FAM78A: variants seen among roughly 807,000 people sequenced by gnomAD.
FAM78A encodes the protein protein FAM78A.
Under a neutral mutation model 22.6 loss-of-function variants are expected in FAM78A, and 12 were observed. The observed-to-expected ratio is 0.53, with a 90% confidence interval of 0.34 to 0.86. FAM78A has a LOEUF of 0.86. Among genes scored for constraint, FAM78A ranks in the 40% least tolerant of loss-of-function variants. The probability of loss-of-function intolerance (pLI) is 0.02; values close to 1 mark genes in which losing one functional copy is unlikely to be tolerated. For missense variants in FAM78A, 322 were observed against 396.1 expected (o/e 0.81, Z 1.59); for synonymous variants, 151 against 155.8 (o/e 0.97, Z 0.23).
At position 131,272,390 on chromosome 9, in the gene FAM78A, G is replaced by A. The variant is rs1835432162; in HGVS notation, c.323+3467C>T. On this transcript the variant is annotated intron_variant, in intron 1 of 1. Transcript: ENST00000372271. The surrounding 1 kb of genome is among the most constrained non-coding windows in gnomAD (Gnocchi z 4.1). ...CATTATTGACTGTCACAGCTTGCGGGGATGTGCTCCTGGCATGGAGTGGGT... is the reference window on the plus strand; with the variant it reads ...CATTATTGACTGTCACAGCTTGCGGAGATGTGCTCCTGGCATGGAGTGGGT... Among the ~76,000 whole-genome samples, 1 of 152,204 alleles carries A rather than the reference G, an allele frequency of 6.6e-6. No individual in the cohort carries two copies. The highest frequency in any genetic ancestry group is 2.1e-4 in the South Asian group (1 of 4,830).
chr9:131,274,321 CTT>C lies in FAM78A; in HGVS notation c.323+1534_323+1535del, dbSNP rs1351535433. On this transcript the variant is annotated intron_variant, in intron 1 of 1. Transcript: ENST00000372271. The surrounding 1 kb of genome is among the most constrained non-coding windows in gnomAD (Gnocchi z 4.2). ...GCTTAGCCCAAAACCCCGAGGAAAA[CTT>C]TTGTTTCTACAACTGTCCCGATGCC... Among the ~76,000 whole-genome samples the C allele has an allele frequency of 6.6e-6, 1 of 152,212 alleles. No homozygotes were observed. The highest frequency in any genetic ancestry group is 6.5e-5 in the Admixed American group (1 of 15,290).
chr9:131,263,050 G>A (rs1174808059), intron 1 of FAM78A, among the ~76,000 whole-genome samples: 1 of 152,060 alleles, frequency 6.6e-6, no homozygotes, highest in Non-Finnish European at 1.5e-5. Flanking sequence ...GACCAGCCTG[G>A]GCAATACGGT....
upstream of FAM78A, among the ~76,000 whole-genome samples, chr9:131,278,802 G>C (rs770486282): frequency 4.6e-5 from 7 of 152,182 alleles, no homozygotes; most frequent in Non-Finnish European, 7.3e-5. Context: ...CTACATTAAA[G>C]CCACGCTCTT....
intron 1 of FAM78A, among the ~76,000 whole-genome samples, chr9:131,262,056 G>A (rs912216617): frequency 2.0e-5 from 3 of 151,830 alleles, no homozygotes; most frequent in South Asian, 4.1e-4. Flanking sequence ...GTGAAACCTC[G>A]TCTCTACTAA....
rs1471916587 is a variant in FAM78A at position 131,261,469 on chromosome 9, C to T, written c.324-119G>A. On this transcript the variant is annotated intron_variant, in intron 1 of 1. Coordinates refer to ENST00000372271, the MANE Select transcript of FAM78A (RefSeq NM_033387.4). The surrounding 1 kb of genome is among the most constrained non-coding windows in gnomAD (Gnocchi z 7.1). ...GATGGAACGGACCCAGCAGACCACC[C>T]GGTCCCCTTTGACGTTCTGGGGGCA... 2.6e-5 allele frequency: 25 copies of T among 960,056 alleles called. No individual in the cohort carries two copies. The highest frequency in any genetic ancestry group is 3.1e-4 in the Middle Eastern group (1 of 3,206). The allele number at this position is 960,056 out of a possible 1,614,324, so 59.5% of individuals were successfully genotyped here. A position where few individuals can be genotyped will look rare whatever the true frequency, so the allele number is the denominator to read the frequency against.
Position 131,260,986 on chromosome 9 carries a change from G to C in FAM78A, c.688C>G (p.Arg230Gly). The change falls in exon 2 of 2, where the codon CGG (arginine) becomes GGG (glycine). Residue 230 changes from arginine to glycine, a missense_variant. Transcript: ENST00000372271. The surrounding 1 kb of genome is among the most constrained non-coding windows in gnomAD (Gnocchi z 5.4). ...NPNRPLGQRARLREPIAQDQP... is the reference protein window; with the variant it reads ...NPNRPLGQRAGLREPIAQDQP... ...TCCTGGGCGATGGGCTCCCGCAGCC[G>C]GGCGCGCTGGCCCAGGGGCCGGTTG... is the stretch of plus-strand genomic sequence containing the variant. The C allele has an allele frequency of 6.2e-7, 1 of 1,613,330 alleles. No individual in the cohort carries two copies. Among genetic ancestry groups the C allele is most frequent in the East Asian group, 2.2e-5 (1 of 44,866 alleles).
Position 131,275,928 on chromosome 9 carries a change from C to T in FAM78A, c.252G>A (p.Glu84=), listed in dbSNP as rs1390621449. ...QVVMPPIPKK[E]TWVVGWIQAC... Reference sequence around the variant, plus strand: ...CCTGGATCCAGCCAACTACCCAAGTCTCCTTCTTGGGGATGGGCGGCATGA... The same window carrying T: ...CCTGGATCCAGCCAACTACCCAAGTTTCCTTCTTGGGGATGGGCGGCATGA... The change falls in exon 1 of 2, where the codon GAG becomes GAA. Residue 84 remains glutamate (E), a synonymous_variant. Transcript: ENST00000372271. The surrounding 1 kb of genome is among the most constrained non-coding windows in gnomAD (Gnocchi z 4.6). The T allele has an allele frequency of 1.2e-6, 2 of 1,613,258 alleles. No individual in the cohort carries two copies. The highest frequency in any genetic ancestry group is 1.7e-6 in the Non-Finnish European group (2 of 1,179,932).
At chr9:131,263,110 G>C (rs989436584) in intron 1 of FAM78A, among the ~76,000 whole-genome samples, 1 of 151,886 alleles carries the variant, frequency 6.6e-6, no homozygotes, top group Non-Finnish European at 1.5e-5. Context: ...ATGGTGGTGG[G>C]CACCTGTAAT....
intron 1 of FAM78A, chr9:131,270,457 C>T: frequency 1.4e-6 from 1 of 717,288 alleles, no homozygotes; most frequent in Non-Finnish European, 2.6e-6. Context: ...AGTGACGCCT[C>T]ACTTGGTCTC....
upstream of FAM78A, among the ~76,000 whole-genome samples, chr9:131,277,946 GC>G (rs1835505523): frequency 6.8e-6 from 1 of 147,718 alleles, no homozygotes; most frequent in Non-Finnish European, 1.5e-5. The surrounding 1 kb of genome is among the most constrained non-coding windows in gnomAD (Gnocchi z 8.4). Context: ...CGCCGGCCCG[GC>G]CCCCGCGTCC....
chr9:131,276,794 G>A (rs984649264), upstream of FAM78A, among the ~76,000 whole-genome samples: 5 of 150,578 alleles, frequency 3.3e-5, no homozygotes, highest in African/African-American at 1.2e-4. The surrounding 1 kb of genome is among the most constrained non-coding windows in gnomAD (Gnocchi z 4.3). Context: ...CGCGGCGCGG[G>A]TCCCCGTCGG....
chr9:131,280,590 GT>G (rs1008133960), upstream of FAM78A, among the ~76,000 whole-genome samples: 7 of 152,208 alleles, frequency 4.6e-5, no homozygotes, highest in Admixed American at 4.6e-4. Flanking sequence ...ACCCGGGATG[GT>G]GAACACTGGG....
At chr9:131,267,996 G>A (rs979547664) in intron 1 of FAM78A, among the ~76,000 whole-genome samples, 2 of 149,838 alleles carry the variant, frequency 1.3e-5, no homozygotes, top group Admixed American at 1.3e-4. Context: ...AGCTTGCAGT[G>A]AGCCGAGATG....
chr9:131,275,641 GA>G lies in FAM78A; in HGVS notation c.323+215del, dbSNP rs1257580873. On this transcript the variant is annotated intron_variant, in intron 1 of 1. Coordinates refer to ENST00000372271, the MANE Select transcript of FAM78A (RefSeq NM_033387.4). The surrounding 1 kb of genome is among the most constrained non-coding windows in gnomAD (Gnocchi z 4.6). ...ACCCGGGGGGAACAGTGGCAGGGTA[GA>G]TTGCAGGACCGTGACTCCAATCTGG... Among the ~76,000 whole-genome samples, 1 of 152,242 alleles carries G rather than the reference GA, an allele frequency of 6.6e-6. No individual in the cohort carries two copies. Among genetic ancestry groups the G allele is most frequent in the Non-Finnish European group, 1.5e-5 (1 of 68,040 alleles).
upstream of FAM78A, among the ~76,000 whole-genome samples, chr9:131,277,803 G>A (rs1398640701): frequency 6.6e-6 from 1 of 151,056 alleles, no homozygotes; most frequent in Non-Finnish European, 1.5e-5. This position sits in a 1 kb window ranked among gnomAD's most constrained non-coding sequence, Gnocchi z 8.4. Context: ...TTTATTTTAT[G>A]ATCATTGTGA....
Position 131,272,589 on chromosome 9 carries a change from A to T in FAM78A, c.323+3268T>A, listed in dbSNP as rs1179385835. 6.6e-6 allele frequency among the ~76,000 whole-genome samples: 1 copy of T among 152,198 alleles called. No homozygotes were observed. Among genetic ancestry groups the T allele is most frequent in the Non-Finnish European group, 1.5e-5 (1 of 68,036 alleles). On this transcript the variant is annotated intron_variant, in intron 1 of 1. Transcript: ENST00000372271. This position sits in a 1 kb window ranked among gnomAD's most constrained non-coding sequence, Gnocchi z 4.1. ...CCTTTTCATGCCACAAGGCTTAAAA[A>T]CTTGGAAAATGGAAGTCATCACAGG...
rs1174374468 is a variant in FAM78A at position 131,259,959 on chromosome 9, T to TGGGAAGAGAGGG, written c.*851_*862dup. ...GCCGCCCAAGGGAAGTTAAGGCTGCTGGGAAGAGAGGGGAGAAGAGGCCAG... is the reference window on the plus strand; with the variant it reads ...GCCGCCCAAGGGAAGTTAAGGCTGCTGGGAAGAGAGGGGGGAAGAGAGGGGAGAAGAGGCCAG... On this transcript the variant is annotated 3_prime_UTR_variant, in exon 2 of 2. Transcript: ENST00000372271. 6.6e-6 allele frequency: 1 copy of TGGGAAGAGAGGG among 152,584 alleles called. No individual in the cohort carries two copies. Among genetic ancestry groups the TGGGAAGAGAGGG allele is most frequent in the African/African-American group, 2.4e-5 (1 of 41,396 alleles). 9.5% of individuals were successfully genotyped at this position (152,584 alleles called of 1,614,324 possible).
At position 131,259,678 on chromosome 9, in the gene FAM78A, G is replaced by A. The variant is rs1301546330; in HGVS notation, c.*1144C>T. The stretch of plus-strand genomic sequence containing the variant: ...AGGGGCCAGCCAGCCACAGGGGCCG[G>A]GGCCCACCCGATTCAAGTCTTAAAA... On this transcript the variant is annotated 3_prime_UTR_variant, in exon 2 of 2. Transcript: ENST00000372271. 6.6e-6 allele frequency: 1 copy of A among 152,568 alleles called. No individual in the cohort carries two copies. The highest frequency in any genetic ancestry group is 1.5e-5 in the Non-Finnish European group (1 of 68,192). 9.5% of individuals were successfully genotyped at this position (152,568 alleles called of 1,614,324 possible). A position where few individuals can be genotyped will look rare whatever the true frequency, so the allele number is the denominator to read the frequency against.
In FAM78A at chr9:131,260,948, G is replaced by A. The variant is rs751107635; in HGVS notation, c.726C>T (p.Ile242=). Reference sequence around the variant, plus strand: ...GCGGGATGGGCTCATTCTTGCTCAGGATTTTGGGCTGGTCCTGGGCGATGG... The same window carrying A: ...GCGGGATGGGCTCATTCTTGCTCAGAATTTTGGGCTGGTCCTGGGCGATGG... ...REPIAQDQPK[I]LSKNEPIPPS... The change falls in exon 2 of 2, where the codon ATC becomes ATT. Residue 242 remains isoleucine, a synonymous_variant. Transcript: ENST00000372271. The surrounding 1 kb of genome is among the most constrained non-coding windows in gnomAD (Gnocchi z 5.4). 2.0e-5 allele frequency: 32 copies of A among 1,610,162 alleles called. 1 individual carries two copies. The South Asian group carries it at 3.1e-4, about 16-fold the overall frequency.
Sources: allele counts gnomAD v4.1 joint callset (sites outside exome capture counted in the v4.1 genomes callset), GRCh38; gene constraint gnomAD v4.1.1; non-coding constraint Gnocchi (gnomAD v3.1); transcripts MANE v1.5; gene names NCBI Gene and HGNC (gene_info 2026-07-23, HGNC 2026-07-21).